The following CRIM1 variants were observed in gnomAD, a reference collection of about 807,000 sequenced individuals.
The protein encoded by CRIM1 is cysteine-rich motor neuron 1 protein.
A neutral mutation model predicts 116.4 loss-of-function variants in CRIM1; 32 were observed. That is an observed-to-expected ratio of 0.27 (90% CI 0.21 to 0.37). CRIM1 has a LOEUF of 0.37. Among genes scored for constraint, CRIM1 ranks in the 10% least tolerant of loss-of-function variants. CRIM1 has a pLI of 1.00. For missense variants in CRIM1, 1,331 were observed against 1,354.8 expected (o/e 0.98, Z 0.28); for synonymous variants, 590 against 509.2 (o/e 1.16, Z -2.13).
intron 13 of CRIM1, among the ~76,000 whole-genome samples, chr2:36,529,970 T>C (rs1036433137): frequency 3.9e-5 from 6 of 152,114 alleles, no homozygotes; most frequent in African/African-American, 1.4e-4. Flanking sequence ...TATGGAGAGG[T>C]AGGAGTCAGC....
Position 36,527,708 on chromosome 2 carries a change from T to C in CRIM1, c.2428+5395T>C, listed in dbSNP as rs79240744. ...TGGAACATCTGTTGGTCATTGTGTATTTAATTCAGCCCAAGAATCAATTAT... is the reference window on the plus strand; with the variant it reads ...TGGAACATCTGTTGGTCATTGTGTACTTAATTCAGCCCAAGAATCAATTAT... On this transcript the variant is annotated intron_variant, in intron 13 of 16. Coordinates refer to ENST00000280527, the MANE Select transcript of CRIM1 (RefSeq NM_016441.3). Among the ~76,000 whole-genome samples the C allele has an allele frequency of 2.4e-3, 362 of 152,352 alleles. 2 individuals carry two copies. Among genetic ancestry groups the C allele is most frequent in the African/African-American group, 8.4e-3 (349 of 41,580 alleles).
intron 13 of CRIM1, 45 bp downstream of exon 13, chr2:36,522,358 C>A: frequency 7.0e-7 from 1 of 1,429,700 alleles, no homozygotes; most frequent in Non-Finnish European, 9.9e-7. Flanking sequence ...CCAGTTGTCA[C>A]TAAATCTGTA....
chr2:36,469,310 G>A (rs180693277), intron 5 of CRIM1, among the ~76,000 whole-genome samples: 6 of 152,264 alleles, frequency 3.9e-5, no homozygotes, highest in Non-Finnish European at 8.8e-5. Context: ...AACTTAGCGT[G>A]TGTTTTTAGC....
chr2:36,368,860 G>C (rs946550754), intron 1 of CRIM1, among the ~76,000 whole-genome samples: 1 of 152,074 alleles, frequency 6.6e-6, no homozygotes, highest in Non-Finnish European at 1.5e-5. Context: ...ACTCCAATCT[G>C]TGAAATTGTT....
chr2:36,455,802 G>A (rs547745695), intron 4 of CRIM1, among the ~76,000 whole-genome samples: 5 of 152,278 alleles, frequency 3.3e-5, no homozygotes, highest in South Asian at 2.1e-4. Flanking sequence ...TGATATGTTC[G>A]GAGGATGGGG....
At chr2:36,389,449 C>G (rs557386325) in intron 1 of CRIM1, among the ~76,000 whole-genome samples, 1 of 152,334 alleles carries the variant, frequency 6.6e-6, no homozygotes, top group African/African-American at 2.4e-5. Context: ...GATATGTGAA[C>G]AGCTGGAGAA....
At chr2:36,435,330 C>CTGTGTGTGTGTG (rs111252647) in intron 2 of CRIM1, among the ~76,000 whole-genome samples, 2 of 149,868 alleles carry the variant, frequency 1.3e-5, no homozygotes, top group Admixed American at 6.6e-5. Context: ...GTGTATCTCA[C>CTGTGTGTGTGTG]TGTGTGTGTG....
chr2:36,385,148 G>A (rs1195232965), intron 1 of CRIM1, among the ~76,000 whole-genome samples: 1 of 150,894 alleles, frequency 6.6e-6, no homozygotes, highest in Non-Finnish European at 1.5e-5. Flanking sequence ...ATATTTCTTT[G>A]TAGACCAGTA....
rs1279495396 is a variant in CRIM1 at position 36,463,781 on chromosome 2, G to C, written c.870-753G>C. Among the ~76,000 whole-genome samples the C allele has an allele frequency of 2.0e-5, 3 of 152,070 alleles. No homozygotes were observed. The East Asian group carries it at 5.8e-4, about 29-fold the overall frequency. On this transcript the variant is annotated intron_variant, in intron 4 of 16. Coordinates refer to ENST00000280527, the MANE Select transcript of CRIM1 (RefSeq NM_016441.3). ...TTAGGGGTGAGAGCCAGCACAGCCA[G>C]CTTGCAGCTCATGGAACACCCCCAT...
chr2:36,374,685 A>T (rs1670186735), intron 1 of CRIM1, among the ~76,000 whole-genome samples: 1 of 152,142 alleles, frequency 6.6e-6, no homozygotes, highest in Non-Finnish European at 1.5e-5. Flanking sequence ...AAGGAAAAAA[A>T]ATTCTATTTA....
chr2:36,416,850 T>C (rs567434513), intron 2 of CRIM1, among the ~76,000 whole-genome samples: 2 of 152,350 alleles, frequency 1.3e-5, no homozygotes, highest in African/African-American at 4.8e-5. Flanking sequence ...GAATCTGTTC[T>C]GTAGTCGAAC....
At chr2:36,438,634 C>T (rs1675532519) in intron 2 of CRIM1, among the ~76,000 whole-genome samples, 1 of 152,148 alleles carries the variant, frequency 6.6e-6, no homozygotes, top group Non-Finnish European at 1.5e-5. Context: ...TAGGCTGTAG[C>T]TCCCATGAGA....
intron 1 of CRIM1, among the ~76,000 whole-genome samples, chr2:36,391,385 C>A (rs1671584731): frequency 6.6e-6 from 1 of 151,948 alleles, no homozygotes; most frequent in African/African-American, 2.4e-5. Flanking sequence ...ATCTCGGCTT[C>A]CCAAAGTGCT....
At chr2:36,542,060 T>C (rs1572967562) in intron 14 of CRIM1, among the ~76,000 whole-genome samples, 1 of 152,206 alleles carries the variant, frequency 6.6e-6, no homozygotes, top group South Asian at 2.1e-4. Flanking sequence ...GACTGTGAAC[T>C]GGAGCTGTGC....
In CRIM1 at chr2:36,356,311, G is replaced by T; in HGVS notation, c.19G>T (p.Asp7Tyr). 1.3e-6 allele frequency: 2 copies of T among 1,558,172 alleles called. No individual in the cohort carries two copies. The highest frequency in any genetic ancestry group is 1.7e-6 in the Non-Finnish European group (2 of 1,154,098). ...CAGGAGGATGTACTTGGTGGCGGGGGACAGGGGGTTGGCCGGCTGCGGGCA... is the reference window on the plus strand; with the variant it reads ...CAGGAGGATGTACTTGGTGGCGGGGTACAGGGGGTTGGCCGGCTGCGGGCA... MYLVAG[D>Y]RGLAGCGHLL... The change falls in exon 1 of 17, where the codon GAC (aspartate) becomes TAC (tyrosine). Residue 7 changes from aspartate to tyrosine, a missense_variant. Coordinates refer to ENST00000280527, the MANE Select transcript of CRIM1 (RefSeq NM_016441.3). The surrounding 1 kb of genome is among the most constrained non-coding windows in gnomAD (Gnocchi z 4.3).
At chr2:36,382,060 G>A (rs994599257) in intron 1 of CRIM1, among the ~76,000 whole-genome samples, 30 of 152,144 alleles carry the variant, frequency 2.0e-4, no homozygotes, top group African/African-American at 6.8e-4. Flanking sequence ...GTGATGATAT[G>A]CCCAGCAGCT....
intron 12 of CRIM1, among the ~76,000 whole-genome samples, chr2:36,519,082 C>T (rs1665205274): frequency 6.9e-6 from 1 of 145,504 alleles, no homozygotes; most frequent in African/African-American, 2.5e-5. Context: ...CAGCAAATAC[C>T]CCTGGTGCTA....
rs1294631295 is a variant in CRIM1 at position 36,436,096 on chromosome 2, G to A, written c.506-5162G>A. ...ATGTCAGAAAAACTTTCTAATTGATGGAGTGGCTGTAGTTTTATCCTTATT... is the reference window on the plus strand; with the variant it reads ...ATGTCAGAAAAACTTTCTAATTGATAGAGTGGCTGTAGTTTTATCCTTATT... On this transcript the variant is annotated intron_variant, in intron 2 of 16. Transcript: ENST00000280527. Among the ~76,000 whole-genome samples the A allele has an allele frequency of 3.3e-5, 5 of 151,914 alleles. No individual in the cohort carries two copies. In the East Asian group the frequency reaches 7.7e-4, roughly 23 times the overall value.
At position 36,537,413 on chromosome 2, in the gene CRIM1, G is replaced by A. The variant is rs778179337; in HGVS notation, c.2490G>A (p.Glu830=). Residue 830 remains glutamate, a synonymous_variant, in exon 14 of 17, where the codon GAG becomes GAA. Transcript: ENST00000280527. ...GTGGGAAGGCCTATGCCGACGAGGA[G>A]CGGTGGGACCTTGACAGCTGCACCC... is the stretch of plus-strand genomic sequence containing the variant. ...HFSGKAYADE[E]RWDLDSCTHC... 5 of 1,614,234 alleles carry A rather than the reference G, an allele frequency of 3.1e-6. No homozygotes were observed. In the South Asian group the frequency reaches 3.3e-5, roughly 11 times the overall value.
Sources: allele counts gnomAD v4.1 joint callset (sites outside exome capture counted in the v4.1 genomes callset), GRCh38; gene constraint gnomAD v4.1.1; non-coding constraint Gnocchi (gnomAD v3.1); transcripts MANE v1.5; gene names NCBI Gene and HGNC (gene_info 2026-07-23, HGNC 2026-07-21).